Variants in MEF2D observed in about 807,000 individuals in gnomAD.
MEF2D encodes the protein myocyte enhancer factor 2D, also known as myocyte-specific enhancer factor 2D.
Under a neutral mutation model 59.3 loss-of-function variants are expected in MEF2D, and 10 were observed. The observed-to-expected ratio is 0.17, with a 90% CI of 0.10 to 0.29. The LOEUF (loss-of-function observed/expected upper bound fraction) is 0.29, where lower values mean the gene tolerates loss of function less well. MEF2D is among the 10% of genes least tolerant of loss of function. MEF2D has a pLI of 1.00. For synonymous variants in MEF2D, 305 were observed against 295.0 expected, an observed-to-expected ratio of 1.03 and a Z score of -0.35; for missense variants, 508 against 699.4, an observed-to-expected ratio of 0.73 and a Z score of 3.09.
In MEF2D at chr1:156,480,924, G is replaced by A. The variant is rs374670977; in HGVS notation, c.306C>T (p.Asp102=). 8.7e-6 allele frequency: 14 copies of A among 1,612,000 alleles called. No individual in the cohort carries two copies. Among genetic ancestry groups the A allele is most frequent in the African/African-American group, 2.7e-5 (2 of 74,886 alleles). ...GGCTCTGTTCCAGCGAGTCCTCCCC[G>A]TCGGGCTCGGGGCTGTCGCAGCCGT... ...GFNGCDSPEP[D]GEDSLEQSPL... Residue 102 remains aspartate (D), a synonymous_variant, in exon 4 of 12, where the codon GAC becomes GAT. Coordinates refer to ENST00000348159, the MANE Select transcript of MEF2D (RefSeq NM_005920.4).
intron 9 of MEF2D, among the ~76,000 whole-genome samples, chr1:156,473,075 T>C (rs2102023685): frequency 6.6e-6 from 1 of 151,398 alleles, no homozygotes; most frequent in South Asian, 2.1e-4. Flanking sequence ...TGAAGTGCAG[T>C]GGTGCAATCT....
At chr1:156,489,048 C>T (rs3790457) in intron 1 of MEF2D, among the ~76,000 whole-genome samples, 83,741 of 152,028 alleles carry the variant, frequency 0.55, 24,982 homozygotes, top group East Asian at 0.73. Flanking sequence ...CAAAAGGGAG[C>T]AGATGCCCAG....
At chr1:156,474,628 G>C (rs1287807201) in intron 9 of MEF2D, among the ~76,000 whole-genome samples, 1 of 151,854 alleles carries the variant, frequency 6.6e-6, no homozygotes, top group African/African-American at 2.4e-5. Flanking sequence ...CTGGGCAACA[G>C]AGAGACCTTG....
chr1:156,499,364 C>T (rs938397975), intron 1 of MEF2D: 1 of 152,190 alleles, frequency 6.6e-6, no homozygotes, highest in Non-Finnish European at 1.5e-5. Context: ...GCTATACCCT[C>T]CCCCAACCCA....
intron 4 of MEF2D, 52 bp downstream of exon 4, chr1:156,480,782 G>T: frequency 6.2e-7 from 1 of 1,604,250 alleles, no homozygotes; most frequent in Non-Finnish European, 8.5e-7. Flanking sequence ...CAGCGCCTGG[G>T]GGGAAGGGGC....
chr1:156,489,380 G>C (rs549891153), intron 1 of MEF2D, among the ~76,000 whole-genome samples: 2 of 152,236 alleles, frequency 1.3e-5, no homozygotes, highest in South Asian at 4.1e-4. Flanking sequence ...GAGGAGGCGT[G>C]GGTGAGGCAG....
At chr1:156,482,353 G>C in intron 3 of MEF2D, 84 bp downstream of exon 3, 1 of 1,412,114 alleles carries the variant, frequency 7.1e-7, no homozygotes, top group South Asian at 1.2e-5. Context: ...TGCATAGGCA[G>C]GTCTGCGTGT....
In MEF2D at chr1:156,468,293, G is replaced by T; in HGVS notation, c.1254C>A (p.Gly418=). Residue 418 remains glycine, a synonymous_variant, in exon 11 of 12, where the codon GGC becomes GGA. Coordinates refer to ENST00000348159, the MANE Select transcript of MEF2D (RefSeq NM_005920.4). The surrounding 1 kb of genome is among the most constrained non-coding windows in gnomAD (Gnocchi z 4.3). ...VPVSLSNLIP[G]SPLPHVGAAL... is the part of the protein sequence containing the mutation. ...CAGCACCCACGTGGGGCAGGGGGCT[G>T]CCCGGGCTGGAGGCAGGCAATGGAA... 1 of 1,546,484 alleles carries T rather than the reference G, an allele frequency of 6.5e-7. No individual in the cohort carries two copies. The highest frequency in any genetic ancestry group is 8.7e-7 in the Non-Finnish European group (1 of 1,145,880).
chr1:156,491,315 C>A (rs1377444540), intron 1 of MEF2D, among the ~76,000 whole-genome samples: 1 of 152,154 alleles, frequency 6.6e-6, no homozygotes, highest in African/African-American at 2.4e-5. Context: ...GCCCTTCTGG[C>A]CCAAACACAT....
intron 4 of MEF2D, chr1:156,480,588 G>GGC: frequency 6.7e-7 from 1 of 1,498,376 alleles, no homozygotes; most frequent in Non-Finnish European, 8.9e-7. Flanking sequence ...CGAGAGCCAG[G>GGC]GCGCGAAGCC....
chr1:156,476,346 A>T, intron 8 of MEF2D, 148 bp downstream of exon 8: 1 of 948,758 alleles, frequency 1.1e-6, no homozygotes, highest in Non-Finnish European at 1.6e-6. Context: ...CTTGGCACCT[A>T]AGCACAGCTC....
rs775136195 is a variant in MEF2D at position 156,477,209 on chromosome 1, A to G, written c.665-7T>C. 1 of 1,586,232 alleles carries G rather than the reference A, an allele frequency of 6.3e-7. No homozygotes were observed. Among genetic ancestry groups the G allele is most frequent in the Non-Finnish European group, 8.6e-7 (1 of 1,165,126 alleles). On this transcript the variant is annotated splice_polypyrimidine_tract_variant and splice_region_variant and intron_variant, in intron 6 of 11. Transcript: ENST00000348159. ...GCACTGACGTAGCCATTCCCTGGAGAAGTGACAACAAGAGGGTAAAAGGAA... is the reference window on the plus strand; with the variant it reads ...GCACTGACGTAGCCATTCCCTGGAGGAGTGACAACAAGAGGGTAAAAGGAA...
Position 156,479,816 on chromosome 1 carries a change from G to A in MEF2D, c.397-20C>T. The A allele has an allele frequency of 2.6e-6, 4 of 1,549,952 alleles. No homozygotes were observed. Among genetic ancestry groups the A allele is most frequent in the Non-Finnish European group, 3.5e-6 (4 of 1,145,892 alleles). On this transcript the variant is annotated intron_variant, in intron 4 of 11. Coordinates refer to ENST00000348159, the MANE Select transcript of MEF2D (RefSeq NM_005920.4). The stretch of plus-strand genomic sequence containing the variant: ...AGTTGACTAGACAGAAAGATGGAGG[G>A]GCAGGATCAGGCCAGGTTGACCCCT...
rs1332313084 is a variant in MEF2D, at chr1:156,480,824, T to C, written c.396+10A>G. The C allele has an allele frequency of 1.1e-5, 17 of 1,592,480 alleles. No homozygotes were observed. Among genetic ancestry groups the C allele is most frequent in the Non-Finnish European group, 1.4e-5 (16 of 1,169,906 alleles). The stretch of plus-strand genomic sequence containing the variant: ...GGGGGGCCAACAGAGACAGAGTGAG[T>C]GGGGCTCACCCCATAGCGCCGGAAG... On this transcript the variant is annotated intron_variant, in intron 4 of 11. Coordinates refer to ENST00000348159, the MANE Select transcript of MEF2D (RefSeq NM_005920.4).
rs776909751 is a variant in MEF2D, at chr1:156,468,911, C to T, written c.1116G>A (p.Gln372=). ...GCTGTGGAGGCTGTGGCTGCTGCGG[C>T]TGCTGGGGCTGCTGTGGCTGTTGCC... is the stretch of plus-strand genomic sequence containing the variant. ...TAWQQPQQPQ[Q]PQQPQPPQQQ... Residue 372 remains glutamine (Q), a synonymous_variant, in exon 10 of 12, where the codon CAG becomes CAA. Coordinates refer to ENST00000348159, the MANE Select transcript of MEF2D (RefSeq NM_005920.4). The surrounding 1 kb of genome is among the most constrained non-coding windows in gnomAD (Gnocchi z 4.3). The T allele has an allele frequency of 1.1e-4, 185 of 1,613,212 alleles. 8 individuals carry two copies. The South Asian group carries it at 2.0e-3, about 17-fold the overall frequency.
chr1:156,486,362 T>C (rs930909440), intron 1 of MEF2D, among the ~76,000 whole-genome samples: 1 of 152,074 alleles, frequency 6.6e-6, no homozygotes, highest in Admixed American at 6.6e-5. Flanking sequence ...GCAGGGAAGG[T>C]AGGGGAGGGC....
chr1:156,491,104 G>A (rs768211494), intron 1 of MEF2D, among the ~76,000 whole-genome samples: 8 of 152,200 alleles, frequency 5.3e-5, no homozygotes, highest in Non-Finnish European at 1.0e-4. Context: ...ACAGGAGATT[G>A]AGTCCCAGTA....
rs768506924 is a variant in MEF2D at position 156,483,133 on chromosome 1, T to C, written c.54+106A>G. On this transcript the variant is annotated intron_variant, in intron 2 of 11. Transcript: ENST00000348159. ...TCCCTTCCCCTTCTGTAATAGCTTA[T>C]AGTTTCCCCTCTTCCACAAAGCCCT... 49 of 1,174,134 alleles carry C rather than the reference T, an allele frequency of 4.2e-5. No individual in the cohort carries two copies. The African/African-American group carries it at 6.7e-4, about 16-fold the overall frequency. The allele number at this position is 1,174,134 out of a possible 1,614,324, so 72.7% of individuals were successfully genotyped here. A position where few individuals can be genotyped will look rare whatever the true frequency, so the allele number is the denominator to read the frequency against.
chr1:156,488,613 G>A (rs964317260), intron 1 of MEF2D, among the ~76,000 whole-genome samples: 1 of 152,196 alleles, frequency 6.6e-6, no homozygotes, highest in African/African-American at 2.4e-5. Context: ...TGTGCAAAAT[G>A]TACCGTAAAG....
Sources: allele counts gnomAD v4.1 joint callset (sites outside exome capture counted in the v4.1 genomes callset), GRCh38; gene constraint gnomAD v4.1.1; non-coding constraint Gnocchi (gnomAD v3.1); transcripts MANE v1.5; gene names NCBI Gene and HGNC (gene_info 2026-07-23, HGNC 2026-07-21).